The following NOL4L variants were observed in gnomAD, a reference collection of about 807,000 sequenced individuals.
The protein encoded by NOL4L is nucleolar protein 4-like.
A neutral mutation model predicts 64.5 loss-of-function variants in NOL4L; 7 were observed. The observed-to-expected ratio is 0.11, with a 90% CI of 0.06 to 0.20. The LOEUF is 0.20. Among genes scored for constraint, NOL4L ranks in the 10% least tolerant of loss-of-function variants. The pLI is 1.00. For synonymous variants in NOL4L, 413 were observed against 401.0 expected, an observed-to-expected ratio of 1.03 and a Z score of -0.36; for missense variants, 680 against 967.1, an observed-to-expected ratio of 0.70 and a Z score of 3.94.
intron 4 of NOL4L, among the ~76,000 whole-genome samples, chr20:32,485,339 T>C (rs2016044012): frequency 2.0e-5 from 3 of 152,174 alleles, no homozygotes; most frequent in Admixed American, 2.0e-4. Context: ...GAACAATCCA[T>C]GGTAAACAAG....
chr20:32,544,044 AG>A (rs2018698563), intron 1 of NOL4L, among the ~76,000 whole-genome samples: 1 of 152,044 alleles, frequency 6.6e-6, no homozygotes, highest in Non-Finnish European at 1.5e-5. Flanking sequence ...AACGTGCTGG[AG>A]GGACGGATGG....
At chr20:32,459,377 C>G (rs997416524) in intron 5 of NOL4L, among the ~76,000 whole-genome samples, 3 of 138,470 alleles carry the variant, frequency 2.2e-5, no homozygotes, top group Non-Finnish European at 4.6e-5. Context: ...CGACGCTTGG[C>G]TAATTTTTTT....
chr20:32,501,006 A>C (rs967944856), intron 4 of NOL4L, among the ~76,000 whole-genome samples: 6 of 152,212 alleles, frequency 3.9e-5, no homozygotes, highest in African/African-American at 1.4e-4. Flanking sequence ...ATTCACCCTA[A>C]AAAAGGCAGA....
chr20:32,482,675 G>A (rs2015809329), intron 4 of NOL4L, among the ~76,000 whole-genome samples: 2 of 150,318 alleles, frequency 1.3e-5, no homozygotes, highest in Admixed American at 6.6e-5. Context: ...CGCGGCTTCC[G>A]GTCAGACGGT....
chr20:32,457,382 G>T (rs1268120376), intron 5 of NOL4L, among the ~76,000 whole-genome samples: 14 of 152,150 alleles, frequency 9.2e-5, no homozygotes, highest in African/African-American at 3.4e-4. Flanking sequence ...CTCCACACCT[G>T]CACCCAGAGT....
At chr20:32,481,864 T>C (rs1403724553) in intron 4 of NOL4L, among the ~76,000 whole-genome samples, 2 of 149,248 alleles carry the variant, frequency 1.3e-5, no homozygotes, top group African/African-American at 4.9e-5. Flanking sequence ...GACAGGGGCC[T>C]GGTCCCATCA....
intron 10 of NOL4L, among the ~76,000 whole-genome samples, chr20:32,451,272 A>C (rs2012875011): frequency 6.6e-6 from 1 of 152,148 alleles, no homozygotes; most frequent in African/African-American, 2.4e-5. Flanking sequence ...CTGCCCATTC[A>C]AACCTTCTTA....
intron 4 of NOL4L, among the ~76,000 whole-genome samples, chr20:32,500,530 A>AT (rs2016878386): frequency 1.0e-5 from 1 of 99,316 alleles, no homozygotes; most frequent in Non-Finnish European, 2.1e-5. Flanking sequence ...ATTTTTTTGT[A>AT]TTTCTTTCTT....
chr20:32,580,390 T>C (rs1980394081), intron 1 of NOL4L, among the ~76,000 whole-genome samples: 2 of 152,154 alleles, frequency 1.3e-5, no homozygotes, highest in South Asian at 2.1e-4. Flanking sequence ...TATTACGCGG[T>C]GCTAAGTCAG....
At chr20:32,530,129 A>G (rs1321820375) in intron 1 of NOL4L, among the ~76,000 whole-genome samples, 1 of 152,244 alleles carries the variant, frequency 6.6e-6, no homozygotes, top group Non-Finnish European at 1.5e-5. Flanking sequence ...TAGGTCAGTT[A>G]GACTTTTAAA....
chr20:32,454,911 G>A (rs574891849), intron 6 of NOL4L, among the ~76,000 whole-genome samples: 16 of 152,198 alleles, frequency 1.1e-4, no homozygotes, highest in African/African-American at 2.4e-4. Context: ...CCCACAGCAC[G>A]GCCCCCGCCA....
intron 4 of NOL4L, among the ~76,000 whole-genome samples, chr20:32,506,556 G>A (rs764885857): frequency 2.0e-5 from 3 of 152,086 alleles, no homozygotes; most frequent in Non-Finnish European, 4.4e-5. Context: ...AGCTATTCAG[G>A]AGGCTGAGGC....
chr20:32,475,423 CTGGGG>C, intron 4 of NOL4L: 2 of 810,532 alleles, frequency 2.5e-6, no homozygotes, highest in Non-Finnish European at 3.0e-6. Flanking sequence ...GCTCAAGGGC[CTGGGG>C]GGCCGCCAGG....
intron 5 of NOL4L, among the ~76,000 whole-genome samples, chr20:32,461,416 CTTTTCTT>C (rs1432895015): frequency 9.8e-5 from 6 of 61,162 alleles, no homozygotes; most frequent in African/African-American, 1.0e-4. Flanking sequence ...CTCTACCTTT[CTTTTCTT>C]TTTTTTTTTT....
chr20:32,502,525 G>C (rs545691957), intron 4 of NOL4L, among the ~76,000 whole-genome samples: 1 of 151,986 alleles, frequency 6.6e-6, no homozygotes, highest in Non-Finnish European at 1.5e-5. Context: ...TCCGGGAGGC[G>C]GAGGCTGCAG....
intron 1 of NOL4L, among the ~76,000 whole-genome samples, chr20:32,567,799 C>T (rs1979516816): frequency 1.3e-5 from 2 of 152,134 alleles, no homozygotes; most frequent in Admixed American, 1.3e-4. Context: ...TAAACATGAG[C>T]TGACACACTA....
intron 1 of NOL4L, among the ~76,000 whole-genome samples, chr20:32,574,069 C>T (rs551834692): frequency 6.6e-6 from 1 of 152,318 alleles, no homozygotes; most frequent in African/African-American, 2.4e-5. Context: ...CGGGTTTTAT[C>T]ACCCCCTTAT....
At chr20:32,525,930 G>A (rs1600831438) in intron 2 of NOL4L, among the ~76,000 whole-genome samples, 1 of 152,064 alleles carries the variant, frequency 6.6e-6, no homozygotes, top group Admixed American at 6.6e-5. Context: ...GCTAATTTTT[G>A]TATTTTTAAT....
chr20:32,504,349 A>G (rs982264753), intron 4 of NOL4L, among the ~76,000 whole-genome samples: 1 of 152,084 alleles, frequency 6.6e-6, no homozygotes, highest in Non-Finnish European at 1.5e-5. Flanking sequence ...TCACGAGGTC[A>G]GTAGATCGAG....
Sources: gnomAD v4.1 joint callset for allele counts (sites outside exome capture counted in the v4.1 genomes callset) on GRCh38, gnomAD v4.1.1 for gene constraint, MANE v1.5 for transcripts, NCBI Gene and HGNC (gene_info 2026-07-23, HGNC 2026-07-21) for gene names.